The following UNC13C variants were observed in gnomAD, a reference collection of about 807,000 sequenced individuals.
UNC13C encodes the protein unc-13 homolog C.
A neutral mutation model predicts 245.4 loss-of-function variants in UNC13C; 174 were observed. The observed-to-expected ratio is 0.71, with a 90% CI of 0.63 to 0.80. The LOEUF is 0.80. Ranked by LOEUF, UNC13C falls within the 30% of genes least tolerant of loss-of-function variation. The pLI, the probability that UNC13C is intolerant of heterozygous loss-of-function variation, is 0.00. For missense variants in UNC13C, 2,829 were observed against 2,602.9 expected, an observed-to-expected ratio of 1.09 and a Z score of -1.89; for synonymous variants, 992 against 895.1, an observed-to-expected ratio of 1.11 and a Z score of -1.93.
chr15:54,550,063 G>A lies in UNC13C; in HGVS notation c.5877+372G>A, dbSNP rs116058706. Among the ~76,000 whole-genome samples the A allele has an allele frequency of 7.8e-3, 1,185 of 152,194 alleles. 18 individuals carry two copies. Among genetic ancestry groups the A allele is most frequent in the African/African-American group, 0.027 (1,107 of 41,522 alleles). On this transcript the variant is annotated intron_variant, in intron 28 of 32. Coordinates refer to ENST00000260323, the MANE Select transcript of UNC13C (RefSeq NM_001080534.3). The stretch of plus-strand genomic sequence containing the variant: ...AACATGTTCAATACCATTACAAGTG[G>A]GAGATGTTCTGACTAAATGACCTTG...
intron 4 of UNC13C, among the ~76,000 whole-genome samples, chr15:54,179,406 A>C (rs1215812084): frequency 6.6e-6 from 1 of 152,130 alleles, no homozygotes; most frequent in Non-Finnish European, 1.5e-5. Context: ...CACTAAATGT[A>C]GGAATACATG....
At chr15:54,245,811 T>C (rs1290587295) in intron 7 of UNC13C, among the ~76,000 whole-genome samples, 1 of 152,152 alleles carries the variant, frequency 6.6e-6, no homozygotes, top group East Asian at 1.9e-4. Flanking sequence ...AGAAGCATTT[T>C]TTTTTCTTGA....
intron 30 of UNC13C, among the ~76,000 whole-genome samples, chr15:54,584,904 G>T (rs1224429573): frequency 6.6e-6 from 1 of 152,148 alleles, no homozygotes; most frequent in Non-Finnish European, 1.5e-5. Context: ...TAAGCACAGG[G>T]CATTTTCCAC....
intron 17 of UNC13C, among the ~76,000 whole-genome samples, chr15:54,355,856 C>T: frequency 6.6e-6 from 1 of 152,102 alleles, no homozygotes; most frequent in East Asian, 1.9e-4. Flanking sequence ...ATACTGCATT[C>T]ATACCTATGT....
chr15:54,552,810 A>ATATATAATTTATATATTG (rs1304368919), intron 28 of UNC13C, among the ~76,000 whole-genome samples: 1 of 95,480 alleles, frequency 1.0e-5, no homozygotes, highest in African/African-American at 4.3e-5. Flanking sequence ...ATATAGTACA[A>ATATATAATTTATATATTG]TATAATATAA....
At chr15:54,370,028 G>T (rs951312125) in intron 17 of UNC13C, among the ~76,000 whole-genome samples, 9 of 152,230 alleles carry the variant, frequency 5.9e-5, no homozygotes, top group Non-Finnish European at 7.4e-5. Flanking sequence ...GTACTTAACA[G>T]TGTTTGTTGA....
intron 28 of UNC13C, among the ~76,000 whole-genome samples, chr15:54,552,322 T>G (rs1896774630): frequency 8.0e-6 from 1 of 124,228 alleles, no homozygotes; most frequent in South Asian, 2.2e-4. Flanking sequence ...TAATGTAATA[T>G]ATAATTATAT....
the UNC13C span, among the ~76,000 whole-genome samples, chr15:53,925,613 T>C: frequency 6.6e-6 from 1 of 152,294 alleles, no homozygotes; most frequent in South Asian, 2.1e-4. Context: ...AGACAGACTA[T>C]CTCTTTTGTT....
At chr15:54,459,440 T>C (rs1177159155) in intron 19 of UNC13C, among the ~76,000 whole-genome samples, 3 of 152,198 alleles carry the variant, frequency 2.0e-5, no homozygotes, top group Non-Finnish European at 2.9e-5. Flanking sequence ...GATGTGAAGA[T>C]CTTTAGCAGG....
chr15:54,199,325 T>C (rs1002011060), intron 4 of UNC13C, among the ~76,000 whole-genome samples: 1 of 152,054 alleles, frequency 6.6e-6, no homozygotes, highest in Non-Finnish European at 1.5e-5. Flanking sequence ...CACATCCAAA[T>C]ATAAGAAGCT....
chr15:54,071,049 A>G (rs1290105531), intron 2 of UNC13C, among the ~76,000 whole-genome samples: 1 of 152,178 alleles, frequency 6.6e-6, no homozygotes, highest in African/African-American at 2.4e-5. Flanking sequence ...AACTTTTATG[A>G]AAGAGTCTAG....
At chr15:54,598,403 C>CT (rs1220168441) in intron 30 of UNC13C, among the ~76,000 whole-genome samples, 1 of 152,130 alleles carries the variant, frequency 6.6e-6, no homozygotes, top group African/African-American at 2.4e-5. Context: ...CCTGAAGGTC[C>CT]TTTTTTTAAT....
In UNC13C at chr15:54,071,186, C is replaced by CT. The variant is rs146731526; in HGVS notation, c.2983+55307dup. ...AGATCAGATTTTTATATCAAATTTC[C>CT]TTTTTTTAAAAAAAATTTGTAAACT... On this transcript the variant is annotated intron_variant, in intron 2 of 32. Coordinates refer to ENST00000260323, the MANE Select transcript of UNC13C (RefSeq NM_001080534.3). 4.4e-3 allele frequency among the ~76,000 whole-genome samples: 667 copies of CT among 152,014 alleles called. 8 individuals carry two copies. Among genetic ancestry groups the CT allele is most frequent in the African/African-American group, 0.015 (641 of 41,470 alleles).
rs1358288327 is a variant in UNC13C at position 54,225,789 on chromosome 15, T to A, written c.3072-9241T>A. ...TTGACTTCTTGTCTTCCCATTTGAA[T>A]ACCTTTATTTCTTTCTCTTGCCTGA... On this transcript the variant is annotated intron_variant, in intron 4 of 32. Transcript: ENST00000260323. Among the ~76,000 whole-genome samples the A allele has an allele frequency of 2.0e-5, 3 of 152,212 alleles. No homozygotes were observed. In the East Asian group the frequency reaches 5.8e-4, roughly 29 times the overall value.
rs1248892001 is a variant in UNC13C at position 54,260,095 on chromosome 15, A to C, written c.3449-4073A>C. ...ATTTATTGAGTGTATGCTAGTTTCC[A>C]AACAGTGTGTGAGACACTTGGAATA... On this transcript the variant is annotated intron_variant, in intron 8 of 32. Transcript: ENST00000260323. 2.0e-5 allele frequency among the ~76,000 whole-genome samples: 3 copies of C among 152,172 alleles called. No individual in the cohort carries two copies. The East Asian group carries it at 5.8e-4, about 29-fold the overall frequency.
At chr15:54,489,584 A>G (rs907655625) in intron 19 of UNC13C, among the ~76,000 whole-genome samples, 2 of 152,222 alleles carry the variant, frequency 1.3e-5, no homozygotes, top group African/African-American at 4.8e-5. Flanking sequence ...ATAAGTGGGT[A>G]TTAAGCTTGG....
chr15:54,273,142 A>T (rs12437533), intron 10 of UNC13C, among the ~76,000 whole-genome samples: 16,504 of 152,172 alleles, frequency 0.11, 2,176 homozygotes, highest in African/African-American at 0.3. Flanking sequence ...CAATTAAACT[A>T]GTACATGGAA....
chr15:54,148,265 T>G, intron 4 of UNC13C, among the ~76,000 whole-genome samples: 1 of 152,208 alleles, frequency 6.6e-6, no homozygotes, highest in Non-Finnish European at 1.5e-5. Context: ...TTTCCAAGGT[T>G]GTTCAATTAT....
At chr15:54,447,883 T>A (rs941871698) in intron 19 of UNC13C, among the ~76,000 whole-genome samples, 2 of 152,236 alleles carry the variant, frequency 1.3e-5, no homozygotes, top group African/African-American at 4.8e-5. Flanking sequence ...CAATTTTAGA[T>A]CTTTCCTGCT....
Sources: allele counts gnomAD v4.1 joint callset (sites outside exome capture counted in the v4.1 genomes callset), GRCh38; gene constraint gnomAD v4.1.1; transcripts MANE v1.5; gene names NCBI Gene and HGNC (gene_info 2026-07-23, HGNC 2026-07-21).